AUTS2: variants seen among roughly 807,000 people sequenced by gnomAD.
AUTS2 encodes activator of transcription and developmental regulator AUTS2.
AUTS2 carries 17 observed loss-of-function variants against 112.4 expected under a neutral mutation model. That is an observed-to-expected ratio of 0.15 (90% confidence interval 0.10 to 0.23). The LOEUF is 0.23. AUTS2 is among the 10% of genes least tolerant of loss of function. The pLI is 1.00. For missense variants in AUTS2, 1,510 were observed against 1,701.6 expected (o/e 0.89, Z 1.98); for synonymous variants, 751 against 702.7 (o/e 1.07, Z -1.09).
intron 5 of AUTS2, among the ~76,000 whole-genome samples, chr7:70,595,043 G>A (rs1803127670): frequency 1.3e-5 from 2 of 152,036 alleles, no homozygotes; most frequent in South Asian, 2.1e-4. Context: ...GGAGGCTGCA[G>A]TGAGCCGAGA....
intron 5 of AUTS2, among the ~76,000 whole-genome samples, chr7:70,527,386 G>T (rs910460849): frequency 6.6e-6 from 1 of 152,068 alleles, no homozygotes; most frequent in African/African-American, 2.4e-5. Flanking sequence ...CATCTTCTCA[G>T]TATTTCAAGG....
chr7:70,570,893 A>G (rs927612953), intron 5 of AUTS2, among the ~76,000 whole-genome samples: 1 of 128,846 alleles, frequency 7.8e-6, no homozygotes, highest in African/African-American at 2.7e-5. Context: ...TCTGTCCACC[A>G]TCTTGTAGTC....
At chr7:70,347,870 G>C (rs1408589009) in intron 4 of AUTS2, among the ~76,000 whole-genome samples, 1 of 152,150 alleles carries the variant, frequency 6.6e-6, no homozygotes, top group East Asian at 1.9e-4. Context: ...CTGGCCTAGA[G>C]GACTGTATCC....
chr7:70,244,320 C>T (rs1812787408), intron 4 of AUTS2, among the ~76,000 whole-genome samples: 1 of 152,080 alleles, frequency 6.6e-6, no homozygotes, highest in Non-Finnish European at 1.5e-5. Context: ...ATTAAGAACT[C>T]TTTGTTAAAG....
chr7:70,431,084 G>A (rs568136387), intron 4 of AUTS2, among the ~76,000 whole-genome samples: 97 of 152,064 alleles, frequency 6.4e-4, no homozygotes, highest in East Asian at 4.9e-3. Flanking sequence ...TGATCCGCCC[G>A]CCTCGGCCTC....
At chr7:69,786,401 C>G (rs555372977) in intron 1 of AUTS2, among the ~76,000 whole-genome samples, 1 of 152,212 alleles carries the variant, frequency 6.6e-6, no homozygotes, top group Non-Finnish European at 1.5e-5. Context: ...CCAGTCAGCA[C>G]TCTGTAAAAT....
chr7:70,321,057 ACTGCTTACCAAGCAC>A (rs1382989933), intron 4 of AUTS2, among the ~76,000 whole-genome samples: 2 of 152,220 alleles, frequency 1.3e-5, no homozygotes, highest in African/African-American at 4.8e-5. Context: ...CAAATGAATG[ACTGCTTACCAAGCAC>A]CAGTCTAAGT....
At chr7:69,719,857 A>G (rs531036089) in intron 1 of AUTS2, among the ~76,000 whole-genome samples, 2 of 152,288 alleles carry the variant, frequency 1.3e-5, no homozygotes, top group South Asian at 4.2e-4. Flanking sequence ...AAGGAAGGGA[A>G]ACAGTGGCAT....
At chr7:70,217,556 G>A (rs1394581982) in intron 4 of AUTS2, among the ~76,000 whole-genome samples, 1 of 152,144 alleles carries the variant, frequency 6.6e-6, no homozygotes, top group Non-Finnish European at 1.5e-5. Flanking sequence ...TTCCCAGTCT[G>A]TCTTGCAGCT....
intron 1 of AUTS2, among the ~76,000 whole-genome samples, chr7:69,778,246 A>ATT (rs67736075): frequency 2.3e-5 from 3 of 128,156 alleles, no homozygotes; most frequent in African/African-American, 2.9e-5. Flanking sequence ...ATATATATAT[A>ATT]TTTTTTTTTT....
At chr7:70,687,180 G>T (rs1377853120) in intron 5 of AUTS2, among the ~76,000 whole-genome samples, 1 of 152,132 alleles carries the variant, frequency 6.6e-6, no homozygotes, top group East Asian at 1.9e-4. Flanking sequence ...TGAAATGCAG[G>T]TCGCTAGACC....
At chr7:70,167,427 A>G (rs1808442047) in intron 4 of AUTS2, among the ~76,000 whole-genome samples, 1 of 152,134 alleles carries the variant, frequency 6.6e-6, no homozygotes, top group South Asian at 2.1e-4. Flanking sequence ...TAAAGCAAAA[A>G]CTAATAGAAT....
intron 2 of AUTS2, among the ~76,000 whole-genome samples, chr7:70,051,659 C>T (rs555952927): frequency 3.7e-4 from 57 of 152,240 alleles, no homozygotes; most frequent in African/African-American, 1.3e-3. Context: ...GTGAAGGTTG[C>T]AGTGAGCTGA....
At chr7:70,530,612 T>C (rs557549287) in intron 5 of AUTS2, among the ~76,000 whole-genome samples, 1 of 152,322 alleles carries the variant, frequency 6.6e-6, no homozygotes, top group Non-Finnish European at 1.5e-5. Flanking sequence ...TGTGGTTCTC[T>C]GCCCTCCCTC....
chr7:70,627,438 CTGTGGAT>C (rs1805010282), intron 5 of AUTS2, among the ~76,000 whole-genome samples: 2 of 152,196 alleles, frequency 1.3e-5, no homozygotes, highest in Non-Finnish European at 2.9e-5. Flanking sequence ...TTCTCCCATT[CTGTGGAT>C]TGCCTCTTTT....
At chr7:70,297,779 A>G (rs984293357) in intron 4 of AUTS2, among the ~76,000 whole-genome samples, 3 of 152,158 alleles carry the variant, frequency 2.0e-5, no homozygotes, top group Admixed American at 6.5e-5. Context: ...GAAGGAAGAC[A>G]TTGTTAGAAC....
At chr7:70,597,944 G>A (rs570134061) in intron 5 of AUTS2, among the ~76,000 whole-genome samples, 1 of 152,332 alleles carries the variant, frequency 6.6e-6, no homozygotes, top group African/African-American at 2.4e-5. Context: ...ATTGCAAGTG[G>A]GTTCAGGGAG....
intron 2 of AUTS2, among the ~76,000 whole-genome samples, chr7:70,018,803 A>C (rs1296398544): frequency 6.6e-6 from 1 of 152,216 alleles, no homozygotes; most frequent in Non-Finnish European, 1.5e-5. Context: ...ATGCTTATAC[A>C]ATGTTGGTAG....
intron 5 of AUTS2, among the ~76,000 whole-genome samples, chr7:70,683,324 G>T (rs1808299579): frequency 6.6e-6 from 1 of 152,152 alleles, no homozygotes; most frequent in Non-Finnish European, 1.5e-5. Context: ...CAGAGATCTG[G>T]TCATTTATTT....
Sources: allele counts gnomAD v4.1 joint callset (sites outside exome capture counted in the v4.1 genomes callset), GRCh38; gene constraint gnomAD v4.1.1; transcripts MANE v1.5; gene names NCBI Gene and HGNC (gene_info 2026-07-23, HGNC 2026-07-21).